The following AMBRA1 variants were observed in gnomAD, a reference collection of about 807,000 sequenced individuals.
The protein encoded by AMBRA1 is activating molecule in BECN1-regulated autophagy protein 1.
A neutral mutation model predicts 125.4 loss-of-function variants in AMBRA1; 47 were observed. The ratio of observed to expected loss-of-function variants is 0.37; its 90% confidence interval spans 0.30 to 0.48. The LOEUF is 0.48. AMBRA1 is among the 20% of genes least tolerant of loss of function. The probability of loss-of-function intolerance (pLI) is 0.99; values close to 1 mark genes in which losing one functional copy is unlikely to be tolerated. For synonymous variants in AMBRA1, 626 were observed against 655.5 expected, an observed-to-expected ratio of 0.95 and a Z score of 0.69; for missense variants, 1,331 against 1,693.4, an observed-to-expected ratio of 0.79 and a Z score of 3.76.
chr11:46,486,587 G>C (rs559548184), intron 11 of AMBRA1, among the ~76,000 whole-genome samples: 2 of 152,318 alleles, frequency 1.3e-5, no homozygotes, highest in Admixed American at 6.5e-5. Flanking sequence ...GAACATCTAA[G>C]ACCAGAGTAC....
At chr11:46,482,048 A>G (rs1036233921) in intron 11 of AMBRA1, among the ~76,000 whole-genome samples, 1 of 152,218 alleles carries the variant, frequency 6.6e-6, no homozygotes, top group African/African-American at 2.4e-5. Context: ...GAAGTCAGGT[A>G]ATGTGATGTG....
chr11:46,589,288 G>C (rs2044508774), intron 1 of AMBRA1, among the ~76,000 whole-genome samples: 1 of 152,120 alleles, frequency 6.6e-6, no homozygotes, highest in African/African-American at 2.4e-5. Flanking sequence ...ACATTAACTT[G>C]GGGGAGCCTG....
Position 46,543,029 on chromosome 11 carries a change from G to A in AMBRA1, c.988C>T (p.Pro330Ser). 3 of 1,599,484 alleles carry A rather than the reference G, an allele frequency of 1.9e-6. No homozygotes were observed. The highest frequency in any genetic ancestry group is 1.7e-6 in the Non-Finnish European group (2 of 1,179,862). The part of the protein sequence containing the change: ...PSLLPHQDSV[P>S]PASARATTPS... Reference sequence around the variant, plus strand: ...GTAGTAGCTCTGGCAGAAGCAGGGGGGACACTGTCCTGGTGTGGCAAGAGG... The same window carrying A: ...GTAGTAGCTCTGGCAGAAGCAGGGGAGACACTGTCCTGGTGTGGCAAGAGG... The change falls in exon 7 of 18, where the codon CCC (proline) becomes TCC (serine). Residue 330 changes from proline (P) to serine (S), a missense_variant. By Grantham distance (74) the Pro-to-Ser change is moderately conservative (BLOSUM62 -1). Transcript: ENST00000683756.
intron 1 of AMBRA1, among the ~76,000 whole-genome samples, chr11:46,574,802 C>T (rs1447423165): frequency 3.9e-5 from 6 of 152,174 alleles, no homozygotes; most frequent in Non-Finnish European, 8.8e-5. Flanking sequence ...CTCAGCTCTA[C>T]CATTTGCCAG....
rs921662645 is a variant in AMBRA1, at chr11:46,397,575, C to A, written c.3772G>T (p.Val1258Phe). The part of the protein sequence containing the change: ...LPSSSPVPIP[V>F]SLPSAEGPTL... ...GGTCCCTCAGCGCTGGGAAGGGAAACAGGAATGGGGACAGGGGAGGAAGAG... is the reference window on the plus strand; with the variant it reads ...GGTCCCTCAGCGCTGGGAAGGGAAAAAGGAATGGGGACAGGGGAGGAAGAG... The change falls in exon 18 of 18, where the codon GTT becomes TTT. Residue 1258 changes from valine (V) to phenylalanine (F), a missense_variant. Physicochemically the swap from Val to Phe is conservative, Grantham distance 50 (BLOSUM62 -1). This residue lies in a region of AMBRA1 where 144 missense variants were observed against 133.9 expected (regional missense o/e 1.08). Transcript: ENST00000683756. The A allele has an allele frequency of 1.3e-5, 21 of 1,583,340 alleles. No individual in the cohort carries two copies. Among genetic ancestry groups the A allele is most frequent in the Non-Finnish European group, 1.8e-5 (21 of 1,162,644 alleles).
At chr11:46,413,303 C>A (rs1300040644) in intron 15 of AMBRA1, among the ~76,000 whole-genome samples, 2 of 152,182 alleles carry the variant, frequency 1.3e-5, no homozygotes, top group African/African-American at 4.8e-5. Context: ...ACTATGCCTC[C>A]CCATCCCAAT....
rs1947603264 is a variant in AMBRA1, at chr11:46,434,253, G to A, written c.2821+596C>T. 2.7e-5 allele frequency among the ~76,000 whole-genome samples: 4 copies of A among 150,804 alleles called. No homozygotes were observed. The South Asian group carries it at 8.4e-4, about 32-fold the overall frequency. ...TTTCATTTAATACATTATGAACACT[G>A]TTCTGTAAGAGCATTTTAAGGGCCA... On this transcript the variant is annotated intron_variant, in intron 13 of 17. Transcript: ENST00000683756.
chr11:46,590,255 A>G (rs61882758), intron 1 of AMBRA1, among the ~76,000 whole-genome samples: 32,603 of 151,494 alleles, frequency 0.22, 4,251 homozygotes, highest in African/African-American at 0.37. Context: ...CCTGTAGTCC[A>G]CTTGAACCCA....
rs142195817 is a variant in AMBRA1 at position 46,521,390 on chromosome 11, T to C, written c.2073-8577A>G. 1.3e-3 allele frequency among the ~76,000 whole-genome samples: 193 copies of C among 152,338 alleles called. 1 individual carries two copies. Among genetic ancestry groups the C allele is most frequent in the Non-Finnish European group, 7.8e-4 (53 of 68,030 alleles). On this transcript the variant is annotated intron_variant, in intron 7 of 17. Coordinates refer to ENST00000683756, the MANE Select transcript of AMBRA1 (RefSeq NM_001387011.1). ...ACCACTGATGCTCCTGGACTGTAAA[T>C]TGCCAAAAGAGACCCCCACAGGGGA...
chr11:46,578,414 G>A (rs745438897), intron 1 of AMBRA1, among the ~76,000 whole-genome samples: 7 of 151,826 alleles, frequency 4.6e-5, no homozygotes, highest in Admixed American at 2.0e-4. Flanking sequence ...TTGAACCTGG[G>A]AGGCAGAAGT....
chr11:46,444,610 T>TTA (rs1491180776), intron 11 of AMBRA1, among the ~76,000 whole-genome samples: 1 of 152,194 alleles, frequency 6.6e-6, no homozygotes, highest in African/African-American at 2.4e-5. Flanking sequence ...AAACTGAACT[T>TTA]GTTAGAGTTT....
At chr11:46,583,677 A>AAAAAAAAAAAAAAAAAAAAAAAAAAAAC (rs1565324615) in intron 1 of AMBRA1, among the ~76,000 whole-genome samples, 1 of 143,832 alleles carries the variant, frequency 7.0e-6, no homozygotes, top group African/African-American at 2.7e-5. Flanking sequence ...AAAAAAAAAA[A>AAAAAAAAAAAAAAAAAAAAAAAAAAAAC]AACAACAAAA....
At chr11:46,531,312 T>C (rs1236988841) in intron 7 of AMBRA1, among the ~76,000 whole-genome samples, 12 of 152,346 alleles carry the variant, frequency 7.9e-5, no homozygotes, top group Admixed American at 6.5e-5. Flanking sequence ...TACAAAAAGC[T>C]TGCCAATGCC....
chr11:46,591,455 G>A (rs2044591479), intron 1 of AMBRA1: 1 of 152,114 alleles, frequency 6.6e-6, no homozygotes, highest in South Asian at 2.1e-4. Flanking sequence ...AAAAATTAAA[G>A]GAACAGTAAT....
At chr11:46,453,038 T>C (rs1948691370) in intron 11 of AMBRA1, among the ~76,000 whole-genome samples, 1 of 152,210 alleles carries the variant, frequency 6.6e-6, no homozygotes, top group Admixed American at 6.5e-5. Flanking sequence ...CATTACTGTC[T>C]AATTTCAGGC....
intron 7 of AMBRA1, among the ~76,000 whole-genome samples, chr11:46,530,217 T>C (rs1952153969): frequency 6.6e-6 from 1 of 152,144 alleles, no homozygotes; most frequent in Admixed American, 6.5e-5. Flanking sequence ...CCCCAAGTGC[T>C]CCAAGACCCA....
intron 1 of AMBRA1, among the ~76,000 whole-genome samples, chr11:46,579,314 G>A (rs1033858063): frequency 7.2e-5 from 11 of 152,058 alleles, no homozygotes; most frequent in East Asian, 1.9e-4. Context: ...AAAATTAGCC[G>A]TGTGTGGTGG....
chr11:46,452,764 T>C (rs933873826), intron 11 of AMBRA1, among the ~76,000 whole-genome samples: 8 of 152,210 alleles, frequency 5.3e-5, no homozygotes, highest in African/African-American at 1.9e-4. Flanking sequence ...ATGTATCCTA[T>C]AGCCTGGTAC....
intron 14 of AMBRA1, among the ~76,000 whole-genome samples, chr11:46,430,547 C>G (rs1947407372): frequency 6.6e-6 from 1 of 152,192 alleles, no homozygotes; most frequent in South Asian, 2.1e-4. Flanking sequence ...ATCCAGAAGT[C>G]TGAAGAACTG....
Sources: allele counts gnomAD v4.1 joint callset (sites outside exome capture counted in the v4.1 genomes callset), GRCh38; gene constraint gnomAD v4.1.1; regional missense constraint gnomAD v4.1.1; transcripts MANE v1.5; gene names NCBI Gene and HGNC (gene_info 2026-07-23, HGNC 2026-07-21).